Variants in CYTH3 observed in about 807,000 individuals in gnomAD.
CYTH3 encodes cytohesin 3.
A neutral mutation model predicts 55.1 loss-of-function variants in CYTH3; 23 were observed. The ratio of observed to expected loss-of-function variants is 0.42; its 90% CI spans 0.30 to 0.59. The LOEUF is 0.59. CYTH3 is among the 20% of genes least tolerant of loss of function. The probability of loss-of-function intolerance (pLI) is 0.20; values close to 1 mark genes in which losing one functional copy is unlikely to be tolerated. For synonymous variants in CYTH3, 249 were observed against 194.9 expected (o/e 1.28, Z -2.31); for missense variants, 413 against 524.8 (o/e 0.79, Z 2.08).
In CYTH3 at chr7:6,194,432, G is replaced by A. The variant is rs189263025; in HGVS notation, c.35-3901C>T. ...TGCATCCCAGCCTGGGTGACAGAGC[G>A]AGACTCCCATCTCTTTAAAAATAAA... On this transcript the variant is annotated intron_variant, in intron 1 of 12. Coordinates refer to ENST00000350796, the MANE Select transcript of CYTH3 (RefSeq NM_004227.4). 2.9e-3 allele frequency among the ~76,000 whole-genome samples: 434 copies of A among 152,262 alleles called. 2 individuals carry two copies. Among genetic ancestry groups the A allele is most frequent in the African/African-American group, 9.2e-3 (382 of 41,524 alleles).
chr7:6,217,631 T>C (rs1784456215), intron 1 of CYTH3, among the ~76,000 whole-genome samples: 2 of 152,178 alleles, frequency 1.3e-5, no homozygotes, highest in Admixed American at 1.3e-4. Flanking sequence ...CTCTTGTTAA[T>C]AATTAATGAA....
intron 1 of CYTH3, among the ~76,000 whole-genome samples, chr7:6,270,538 T>C (rs1583212923): frequency 1.3e-5 from 2 of 152,136 alleles, no homozygotes; most frequent in East Asian, 3.8e-4. Flanking sequence ...AATAAAATAA[T>C]CCATAATGTC....
At chr7:6,220,095 T>C (rs1784519171) in intron 1 of CYTH3, among the ~76,000 whole-genome samples, 1 of 151,932 alleles carries the variant, frequency 6.6e-6, no homozygotes, top group Non-Finnish European at 1.5e-5. Flanking sequence ...TTTCACCATG[T>C]TTGAGACCAC....
chr7:6,228,550 A>AG (rs1349536160), intron 1 of CYTH3, among the ~76,000 whole-genome samples: 1 of 152,338 alleles, frequency 6.6e-6, no homozygotes, highest in African/African-American at 2.4e-5. Context: ...AACTCCCCCC[A>AG]GATGACCTTA....
At position 6,167,668 on chromosome 7, in the gene CYTH3, C is replaced by G. The variant is rs911863646; in HGVS notation, c.824-1858G>C. On this transcript the variant is annotated intron_variant, in intron 9 of 12. Transcript: ENST00000350796. The surrounding 1 kb of genome is among the most constrained non-coding windows in gnomAD (Gnocchi z 5.5). Reference sequence around the variant, plus strand: ...CGGCAGCAGGGGCTGCCCTTCCTGGCTCCCCAGCTGTGGCCTTTCTCCCTG... The same window carrying G: ...CGGCAGCAGGGGCTGCCCTTCCTGGGTCCCCAGCTGTGGCCTTTCTCCCTG... 2.8e-4 allele frequency among the ~76,000 whole-genome samples: 42 copies of G among 152,400 alleles called. No individual in the cohort carries two copies. Among genetic ancestry groups the G allele is most frequent in the African/African-American group, 1.0e-3 (42 of 41,606 alleles).
chr7:6,208,051 A>C (rs953074565), intron 1 of CYTH3, among the ~76,000 whole-genome samples: 1 of 151,824 alleles, frequency 6.6e-6, no homozygotes, highest in African/African-American at 2.4e-5. Context: ...TTCTTCCAAG[A>C]CTCCTTCTAC....
At chr7:6,242,444 T>C (rs1025537325) in intron 1 of CYTH3, among the ~76,000 whole-genome samples, 1 of 149,668 alleles carries the variant, frequency 6.7e-6, no homozygotes, top group Non-Finnish European at 1.5e-5. Context: ...TGGCACGATC[T>C]TGGCTCACTG....
chr7:6,229,386 C>T (rs1440855053), intron 1 of CYTH3, among the ~76,000 whole-genome samples: 2 of 152,126 alleles, frequency 1.3e-5, no homozygotes, highest in African/African-American at 4.8e-5. Context: ...ATGAAGAAAG[C>T]GTGCTTGCTG....
rs1254201912 is a variant in CYTH3 at position 6,188,129 on chromosome 7, A to G, written c.118-408T>C. On this transcript the variant is annotated intron_variant, in intron 2 of 12. Transcript: ENST00000350796. ...ATCGCTTGAGATCAGGAGTTTGAGA[A>G]CAGCCTGGGCAATGTAGCAAGGCCT... Among the ~76,000 whole-genome samples the G allele has an allele frequency of 2.6e-5, 4 of 152,192 alleles. No homozygotes were observed. In the South Asian group the frequency reaches 6.2e-4, roughly 24 times the overall value.
intron 1 of CYTH3, among the ~76,000 whole-genome samples, chr7:6,216,988 C>T (rs1334097525): frequency 6.6e-6 from 1 of 151,864 alleles, no homozygotes; most frequent in Non-Finnish European, 1.5e-5. Flanking sequence ...TCTCCGCTCA[C>T]TGCAACCTCT....
intron 1 of CYTH3, among the ~76,000 whole-genome samples, chr7:6,246,257 CAG>C (rs1173161622): frequency 6.7e-6 from 1 of 150,014 alleles, no homozygotes; most frequent in Admixed American, 6.7e-5. Flanking sequence ...TTAAAAGAGA[CAG>C]GGGTCTCACT....
At chr7:6,270,332 A>G (rs1780617226) in intron 1 of CYTH3, among the ~76,000 whole-genome samples, 1 of 152,240 alleles carries the variant, frequency 6.6e-6, no homozygotes, top group South Asian at 2.1e-4. Context: ...AACTAAATCA[A>G]TAAAGGTTAA....
intron 1 of CYTH3, among the ~76,000 whole-genome samples, chr7:6,195,557 C>A (rs1039285130): frequency 6.6e-6 from 1 of 152,072 alleles, no homozygotes; most frequent in African/African-American, 2.4e-5. Context: ...CAGGTTCAAG[C>A]AATTCTCCTG....
chr7:6,232,237 T>C (rs1779406394), intron 1 of CYTH3, among the ~76,000 whole-genome samples: 1 of 152,138 alleles, frequency 6.6e-6, no homozygotes, highest in Non-Finnish European at 1.5e-5. Context: ...GGTTCTCCAA[T>C]CTTGGGAGTA....
intron 1 of CYTH3, among the ~76,000 whole-genome samples, chr7:6,241,555 CT>C (rs1779673177): frequency 6.6e-6 from 1 of 152,158 alleles, no homozygotes; most frequent in South Asian, 2.1e-4. Context: ...AAGAATCCCA[CT>C]TCTGAAAATT....
Position 6,165,211 on chromosome 7 carries a change from T to TC in CYTH3, c.1127+61dup, listed in dbSNP as rs983839764. 4.4e-5 allele frequency: 69 copies of TC among 1,572,358 alleles called. No homozygotes were observed. In the African/African-American group the frequency reaches 8.0e-4, roughly 18 times the overall value. ...ACGGAAGCATCCATGTTCCAGACCA[T>TC]CCCCCGCCCTCCAACCGGCACGAGA... On this transcript the variant is annotated intron_variant, in intron 12 of 12. Coordinates refer to ENST00000350796, the MANE Select transcript of CYTH3 (RefSeq NM_004227.4).
At chr7:6,266,571 G>C (rs958654227) in intron 1 of CYTH3, among the ~76,000 whole-genome samples, 4 of 152,156 alleles carry the variant, frequency 2.6e-5, no homozygotes, top group Non-Finnish European at 4.4e-5. Context: ...TTCACTGTCT[G>C]TTCAAGCCAC....
intron 1 of CYTH3, among the ~76,000 whole-genome samples, chr7:6,267,846 C>A (rs1400891090): frequency 6.6e-6 from 1 of 151,894 alleles, no homozygotes; most frequent in African/African-American, 2.4e-5. Context: ...ATAAAAATTC[C>A]CTCAAAAAAG....
chr7:6,246,865 A>C (rs1331610271), intron 1 of CYTH3, among the ~76,000 whole-genome samples: 1 of 152,222 alleles, frequency 6.6e-6, no homozygotes, highest in African/African-American at 2.4e-5. Context: ...TTATGTTTAC[A>C]TGATTTCAAT....
Sources: allele counts gnomAD v4.1 joint callset (sites outside exome capture counted in the v4.1 genomes callset), GRCh38; gene constraint gnomAD v4.1.1; non-coding constraint Gnocchi (gnomAD v3.1); transcripts MANE v1.5; gene names NCBI Gene and HGNC (gene_info 2026-07-23, HGNC 2026-07-21).